The following COL21A1 variants were observed in gnomAD, a reference collection of about 807,000 sequenced individuals.
The protein encoded by COL21A1 is collagen alpha-1(XXI) chain.
In COL21A1, 149 loss-of-function variants were observed where a neutral mutation model predicts 137.9. That is an observed-to-expected ratio of 1.08 (90% CI 0.95 to 1.24). The LOEUF is 1.24. Ranked by LOEUF, COL21A1 falls within the 50% of genes most tolerant of loss-of-function variation. The pLI, the probability that COL21A1 is intolerant of heterozygous loss-of-function variation, is 0.00. For missense variants in COL21A1, 1,167 were observed against 1,158.4 expected (o/e 1.01, Z -0.11); for synonymous variants, 456 against 391.5 (o/e 1.16, Z -1.95).
intron 1 of COL21A1, among the ~76,000 whole-genome samples, chr6:56,187,150 G>A (rs1209973412): frequency 6.6e-6 from 1 of 152,216 alleles, no homozygotes; most frequent in Admixed American, 6.5e-5. Flanking sequence ...TACAGCTGGT[G>A]GGGGTTTTCT....
intron 1 of COL21A1, among the ~76,000 whole-genome samples, chr6:56,350,455 T>C (rs572758137): frequency 5.9e-5 from 9 of 152,324 alleles, no homozygotes; most frequent in African/African-American, 2.2e-4. Flanking sequence ...AGATCCTTTT[T>C]TTCATCCCTC....
chr6:56,265,102 G>T (rs1215645466), intron 1 of COL21A1, among the ~76,000 whole-genome samples: 1 of 152,224 alleles, frequency 6.6e-6, no homozygotes, highest in Non-Finnish European at 1.5e-5. Context: ...TGAGCAGGAG[G>T]AGAGGACAGT....
At chr6:56,328,784 C>T (rs546313038) in intron 1 of COL21A1, among the ~76,000 whole-genome samples, 21 of 152,120 alleles carry the variant, frequency 1.4e-4, no homozygotes, top group African/African-American at 5.1e-4. Context: ...AAACATGCCT[C>T]GAAATAGCAG....
At chr6:56,192,111 T>C (rs2152291150) in intron 1 of COL21A1, among the ~76,000 whole-genome samples, 1 of 152,298 alleles carries the variant, frequency 6.6e-6, no homozygotes, top group African/African-American at 2.4e-5. Context: ...AAAGATTCCC[T>C]ATTAATAAAT....
chr6:56,323,376 A>G (rs914150234), intron 1 of COL21A1, among the ~76,000 whole-genome samples: 1 of 151,890 alleles, frequency 6.6e-6, no homozygotes, highest in African/African-American at 2.4e-5. Context: ...GTATGCTTCA[A>G]ATGATGTTTT....
chr6:56,193,586 T>C (rs2152292536), intron 1 of COL21A1, among the ~76,000 whole-genome samples: 1 of 152,210 alleles, frequency 6.6e-6, no homozygotes, highest in African/African-American at 2.4e-5. Context: ...GCAAAGTCAG[T>C]ATTCAGATAT....
Position 56,393,703 on chromosome 6 carries a change from G to A in COL21A1, c.-39+268C>T, listed in dbSNP as rs552576437. 7.2e-5 allele frequency among the ~76,000 whole-genome samples: 11 copies of A among 152,244 alleles called. No homozygotes were observed. In the South Asian group the frequency reaches 1.5e-3, roughly 20 times the overall value. On this transcript the variant is annotated intron_variant, in intron 1 of 28. Coordinates refer to the COL21A1 transcript ENST00000370819. ...AGAAACCACAGGCCCTTTGAAATAA[G>A]CGGCAGGCTGCAGCCTACACCATGA...
intron 16 of COL21A1, among the ~76,000 whole-genome samples, chr6:56,102,512 T>A (rs1184390471): frequency 6.6e-6 from 1 of 152,104 alleles, no homozygotes; most frequent in African/African-American, 2.4e-5. Context: ...ATAAAAGCAT[T>A]TTTTCCCGTA....
chr6:56,110,730 A>G (rs574974228), intron 16 of COL21A1, among the ~76,000 whole-genome samples: 103 of 152,230 alleles, frequency 6.8e-4, no homozygotes, highest in African/African-American at 2.4e-3. Flanking sequence ...ATTTATGAGT[A>G]TGAAGAAATA....
intron 9 of COL21A1, among the ~76,000 whole-genome samples, chr6:56,159,278 C>T (rs1047483114): frequency 6.6e-6 from 1 of 151,860 alleles, no homozygotes; most frequent in Non-Finnish European, 1.5e-5. Flanking sequence ...CAAAGTTTTC[C>T]CTTGGTTAGT....
intron 1 of COL21A1, among the ~76,000 whole-genome samples, chr6:56,371,911 C>T (rs2093989517): frequency 6.6e-6 from 1 of 152,120 alleles, no homozygotes; most frequent in South Asian, 2.1e-4. Flanking sequence ...CACCCAAGTC[C>T]CTGCTCCACA....
chr6:56,213,042 C>T (rs1251102411), intron 1 of COL21A1, among the ~76,000 whole-genome samples: 1 of 152,026 alleles, frequency 6.6e-6, no homozygotes, highest in Non-Finnish European at 1.5e-5. Context: ...CTATCTTAGA[C>T]TCAGTTTTCT....
At chr6:56,353,341 G>A (rs1765755838) in intron 1 of COL21A1, among the ~76,000 whole-genome samples, 1 of 152,102 alleles carries the variant, frequency 6.6e-6, no homozygotes, top group Non-Finnish European at 1.5e-5. Flanking sequence ...ACAGCTGCCA[G>A]ACTGGAGAGA....
chr6:56,166,582 C>T (rs1020206942), intron 7 of COL21A1, among the ~76,000 whole-genome samples: 2 of 152,152 alleles, frequency 1.3e-5, no homozygotes, highest in Middle Eastern at 3.4e-3. Context: ...AACCCAGACG[C>T]GGAGGTTGCA....
At chr6:56,334,656 G>A (rs886533636) in intron 1 of COL21A1, among the ~76,000 whole-genome samples, 4 of 152,106 alleles carry the variant, frequency 2.6e-5, no homozygotes, top group Admixed American at 6.6e-5. Context: ...TTGGCTCAGA[G>A]TCTTGACTTG....
At chr6:56,360,575 A>G (rs752221074) in intron 1 of COL21A1, among the ~76,000 whole-genome samples, 12 of 152,204 alleles carry the variant, frequency 7.9e-5, no homozygotes, top group Non-Finnish European at 1.0e-4. Context: ...GCCAGCATGA[A>G]TTTAAAAAGG....
rs371346404 is a variant in COL21A1, at chr6:56,242,793, T to C, written c.-39+4594A>G. ...ATTTATTTTCTTGGCATTGTAAACA[T>C]ATTGCTTTCAGTGCTCTTTAATTAA... is the stretch of plus-strand genomic sequence containing the variant. On this transcript the variant is annotated intron_variant, in intron 1 of 29. Transcript: ENST00000244728. 2.6e-5 allele frequency among the ~76,000 whole-genome samples: 4 copies of C among 152,222 alleles called. No homozygotes were observed. The East Asian group carries it at 7.7e-4, about 29-fold the overall frequency.
intron 1 of COL21A1, among the ~76,000 whole-genome samples, chr6:56,223,235 A>AT (rs999498952): frequency 1.1e-3 from 160 of 151,988 alleles, no homozygotes; most frequent in African/African-American, 3.8e-3. Flanking sequence ...GGAGCATGTT[A>AT]TTTTTTTAAT....
At chr6:56,165,010 TATAGG>T (rs1327553907) in intron 7 of COL21A1, among the ~76,000 whole-genome samples, 188 bp from the exon 8 acceptor site, 11 of 145,150 alleles carry the variant, frequency 7.6e-5, no homozygotes, top group African/African-American at 2.8e-4. Flanking sequence ...ACTCCATTCA[TATAGG>T]AGAATACAGA....
Sources: gnomAD v4.1 joint callset for allele counts (sites outside exome capture counted in the v4.1 genomes callset) on GRCh38, gnomAD v4.1.1 for gene constraint, MANE v1.5 for transcripts, NCBI Gene and HGNC (gene_info 2026-07-23, HGNC 2026-07-21) for gene names.